The following IGF2R variants were observed in gnomAD, a reference collection of about 807,000 sequenced individuals.
The protein encoded by IGF2R is cation-independent mannose-6-phosphate receptor.
Under a neutral mutation model 270.6 loss-of-function variants are expected in IGF2R, and 91 were observed. The observed-to-expected ratio is 0.34, with a 90% CI of 0.28 to 0.40. The LOEUF (loss-of-function observed/expected upper bound fraction) is 0.40. Among genes scored for constraint, IGF2R ranks in the 10% least tolerant of loss-of-function variants. IGF2R has a pLI of 1.00. For missense variants in IGF2R, 2,805 were observed against 3,188.3 expected, an observed-to-expected ratio of 0.88 and a Z score of 2.90; for synonymous variants, 1,316 against 1,258.9, an observed-to-expected ratio of 1.05 and a Z score of -0.96.
At chr6:160,072,092 C>T (rs894287262) in intron 32 of IGF2R, 56 bp downstream of exon 32, 266 of 1,607,962 alleles carry the variant, frequency 1.7e-4, no homozygotes, top group Non-Finnish European at 2.2e-4. Context: ...GTGCCCCCAC[C>T]AAACCCAGCT....
intron 4 of IGF2R, among the ~76,000 whole-genome samples, chr6:160,018,820 G>C (rs1393687249): frequency 6.6e-6 from 1 of 151,992 alleles, no homozygotes; most frequent in African/African-American, 2.4e-5. Context: ...GCAAAAGCAG[G>C]GCTAAGTGGG....
At chr6:160,100,811 G>A (rs1728639298) in intron 45 of IGF2R, among the ~76,000 whole-genome samples, 1 of 60,078 alleles carries the variant, frequency 1.7e-5, no homozygotes, top group Non-Finnish European at 3.1e-5. Context: ...TTTTTTTGGA[G>A]ACAGAGACTT....
chr6:160,083,919 G>C (rs766679013), intron 39 of IGF2R, 31 bp from the exon 40 acceptor site: 2 of 1,448,304 alleles, frequency 1.4e-6, no homozygotes, highest in Non-Finnish European at 1.9e-6. Flanking sequence ...GTGACAGTCT[G>C]ATCTCTCTCT....
At chr6:160,022,013 A>AACACACAC (rs58646750) in intron 4 of IGF2R, among the ~76,000 whole-genome samples, 3,593 of 142,818 alleles carry the variant, frequency 0.025, 126 homozygotes, top group African/African-American at 0.067. Flanking sequence ...CTAGGTAAAG[A>AACACACAC]ACACACACAC....
chr6:160,096,848 A>C (rs1411548831), intron 45 of IGF2R, among the ~76,000 whole-genome samples: 1 of 151,694 alleles, frequency 6.6e-6, no homozygotes, highest in Non-Finnish European at 1.5e-5. Flanking sequence ...ACCTCCCACC[A>C]CCCCCAGCAG....
At chr6:160,073,106 T>A in intron 33 of IGF2R, 107 bp from the exon 34 acceptor site, 1 of 1,456,032 alleles carries the variant, frequency 6.9e-7, no homozygotes, top group South Asian at 1.3e-5. Flanking sequence ...CTTGAAGTTA[T>A]AAGTGTTGGC....
chr6:160,044,406 A>C, intron 12 of IGF2R, 108 bp from the exon 13 acceptor site: 1 of 1,060,524 alleles, frequency 9.4e-7, no homozygotes, highest in Non-Finnish European at 1.4e-6. Flanking sequence ...GTTTGGGCTG[A>C]TTTCTTTCTT....
At chr6:160,049,857 T>G (rs1214864726) in intron 18 of IGF2R, among the ~76,000 whole-genome samples, 1 of 152,168 alleles carries the variant, frequency 6.6e-6, no homozygotes, top group Non-Finnish European at 1.5e-5. Context: ...CGCTGAGACA[T>G]TGGGGATTAC....
At chr6:160,072,954 A>G in intron 33 of IGF2R, 70 bp downstream of exon 33, 1 of 1,534,612 alleles carries the variant, frequency 6.5e-7, no homozygotes, top group Non-Finnish European at 8.8e-7. Context: ...GTCTCTTTGC[A>G]TGCTAATGGC....
Position 160,084,886 on chromosome 6 carries a change from C to A in IGF2R, c.6069-109C>A. The A allele has an allele frequency of 3.0e-6, 3 of 1,007,410 alleles. No homozygotes were observed. The highest frequency in any genetic ancestry group is 4.4e-6 in the Non-Finnish European group (3 of 682,660). The allele number at this position is 1,007,410 out of a possible 1,614,324, so 62.4% of individuals were successfully genotyped here. On this transcript the variant is annotated intron_variant, in intron 40 of 47. Transcript: ENST00000356956. The surrounding 1 kb of genome is among the most constrained non-coding windows in gnomAD (Gnocchi z 4.6). The stretch of plus-strand genomic sequence containing the variant: ...TGCTACATTCAGTGATGGAATGGAG[C>A]CCTTAGTTATCAGAACCTTTCTCTG...
intron 18 of IGF2R, among the ~76,000 whole-genome samples, chr6:160,049,969 TGGAGC>T (rs1023989737): frequency 3.3e-5 from 5 of 152,200 alleles, no homozygotes; most frequent in Admixed American, 2.0e-4. Context: ...TTAAGGGATT[TGGAGC>T]GGGCCAAGGT....
chr6:160,046,223 C>T (rs1331773963), intron 14 of IGF2R, among the ~76,000 whole-genome samples: 1 of 152,186 alleles, frequency 6.6e-6, no homozygotes, highest in Non-Finnish European at 1.5e-5. Flanking sequence ...TTTGAACATG[C>T]TGTTGTTTAT....
At position 160,057,624 on chromosome 6, in the gene IGF2R, T is replaced by G. The variant is rs182432327; in HGVS notation, c.2797-399T>G. 1.7e-3 allele frequency among the ~76,000 whole-genome samples: 262 copies of G among 152,358 alleles called. 1 individual carries two copies. Among genetic ancestry groups the G allele is most frequent in the Middle Eastern group, 0.01 (3 of 294 alleles). Reference sequence around the variant, plus strand: ...AGGATATCATTTGACAGTCACCTGGTCATACTTCCCATGATTACCTTAAGG... The same window carrying G: ...AGGATATCATTTGACAGTCACCTGGGCATACTTCCCATGATTACCTTAAGG... On this transcript the variant is annotated intron_variant, in intron 20 of 47. Coordinates refer to ENST00000356956, the MANE Select transcript of IGF2R (RefSeq NM_000876.4).
chr6:160,062,685 C>A, intron 26 of IGF2R, 66 bp downstream of exon 26: 1 of 1,148,902 alleles, frequency 8.7e-7, no homozygotes, highest in Non-Finnish European at 1.3e-6. Context: ...CTGAACGATG[C>A]CTTAGATATG....
chr6:159,975,849 G>T (rs115751294), intron 1 of IGF2R, among the ~76,000 whole-genome samples: 2 of 148,704 alleles, frequency 1.3e-5, no homozygotes, highest in Non-Finnish European at 3.0e-5. Flanking sequence ...CCACAAAAAG[G>T]GTAAAAGTTT....
Position 159,973,001 on chromosome 6 carries a change from G to A in IGF2R, c.149+3606G>A, listed in dbSNP as rs146308779. Among the ~76,000 whole-genome samples, 298 of 152,316 alleles carry A rather than the reference G, an allele frequency of 2.0e-3. 3 individuals carry two copies. The highest frequency in any genetic ancestry group is 6.8e-3 in the Middle Eastern group (2 of 294). On this transcript the variant is annotated intron_variant, in intron 1 of 47. Coordinates refer to ENST00000356956, the MANE Select transcript of IGF2R (RefSeq NM_000876.4). The stretch of plus-strand genomic sequence containing the variant: ...TGATTCTTATGCAGGTATTTCTTGG[G>A]AGGTGATATTGCTAGTACAAAGTTA...
chr6:159,985,468 G>T (rs1783867147), intron 1 of IGF2R, among the ~76,000 whole-genome samples: 2 of 152,196 alleles, frequency 1.3e-5, no homozygotes, highest in African/African-American at 4.8e-5. Flanking sequence ...TCTGTGGGGA[G>T]ATTTGGCTCA....
At chr6:159,986,940 A>G (rs1350243399) in intron 1 of IGF2R, among the ~76,000 whole-genome samples, 1 of 152,220 alleles carries the variant, frequency 6.6e-6, no homozygotes, top group East Asian at 1.9e-4. Context: ...TTTCTAACAG[A>G]CAAACTTTCA....
Position 160,110,850 on chromosome 6 carries a change from A to G in IGF2R, c.*5766A>G, listed in dbSNP as rs1035270537. 6.6e-6 allele frequency: 1 copy of G among 152,224 alleles called. No homozygotes were observed. Among genetic ancestry groups the G allele is most frequent in the Non-Finnish European group, 1.5e-5 (1 of 68,034 alleles). The allele number at this position is 152,224 out of a possible 1,614,324, so 9.4% of individuals were successfully genotyped here. ...AGAAAAATACCAGATGATCTCACTT[A>G]TATGTGGAATCTAAAAAGGTTGGAC... On this transcript the variant is annotated 3_prime_UTR_variant, in exon 48 of 48. Coordinates refer to ENST00000356956, the MANE Select transcript of IGF2R (RefSeq NM_000876.4).
Sources: allele counts gnomAD v4.1 joint callset (sites outside exome capture counted in the v4.1 genomes callset), GRCh38; gene constraint gnomAD v4.1.1; non-coding constraint Gnocchi (gnomAD v3.1); transcripts MANE v1.5; gene names NCBI Gene and HGNC (gene_info 2026-07-23, HGNC 2026-07-21).